The following CHD9 variants were observed in gnomAD, a reference collection of about 807,000 sequenced individuals.
CHD9 encodes the protein chromodomain helicase DNA binding protein 9, also known as ATP-dependent chromatin remodeler CHD9.
In CHD9, 77 loss-of-function variants were observed where a neutral mutation model predicts 316.1. That is an observed-to-expected ratio of 0.24 (90% CI 0.20 to 0.29). The LOEUF is 0.29. CHD9 is among the 10% of genes least tolerant of loss of function. The pLI is 1.00. For missense variants in CHD9, 2,763 were observed against 3,438.1 expected, an observed-to-expected ratio of 0.80 and a Z score of 4.91; for synonymous variants, 1,129 against 1,158.3, an observed-to-expected ratio of 0.97 and a Z score of 0.51.
intron 1 of CHD9, among the ~76,000 whole-genome samples, chr16:53,070,068 A>G (rs1036457649): frequency 6.6e-6 from 1 of 152,134 alleles, no homozygotes; most frequent in Non-Finnish European, 1.5e-5. Context: ...AAAAATATCT[A>G]TTCAAGGTAT....
At chr16:53,106,702 G>A (rs1371462283) in intron 1 of CHD9, among the ~76,000 whole-genome samples, 1 of 151,924 alleles carries the variant, frequency 6.6e-6, no homozygotes, top group East Asian at 1.9e-4. Flanking sequence ...ATATGGTGTG[G>A]TTATAGTGCA....
At chr16:53,283,418 G>A (rs915702250) in intron 24 of CHD9, among the ~76,000 whole-genome samples, 1 of 151,334 alleles carries the variant, frequency 6.6e-6, no homozygotes, top group Non-Finnish European at 1.5e-5. Context: ...TGTGCTTATG[G>A]CACTTACATT....
intron 2 of CHD9, among the ~76,000 whole-genome samples, chr16:53,190,466 A>T (rs2044390521): frequency 6.6e-6 from 1 of 152,104 alleles, no homozygotes; most frequent in Non-Finnish European, 1.5e-5. Context: ...TCAGAATTTT[A>T]CATGAATCTG....
chr16:53,145,434 A>G (rs2040492352), intron 1 of CHD9, among the ~76,000 whole-genome samples: 1 of 151,090 alleles, frequency 6.6e-6, no homozygotes, highest in Non-Finnish European at 1.5e-5. Flanking sequence ...TACAGGCATG[A>G]GCCACCATGC....
chr16:53,104,459 T>C (rs2037149150), intron 1 of CHD9, among the ~76,000 whole-genome samples: 1 of 152,228 alleles, frequency 6.6e-6, no homozygotes, highest in Admixed American at 6.5e-5. Flanking sequence ...GAGATTCTTA[T>C]TTTGTTAAAT....
Position 53,222,697 on chromosome 16 carries a change from A to G in CHD9, c.1838A>G (p.Asp613Gly), listed in dbSNP as rs775861175. The G allele has an allele frequency of 4.4e-5, 69 of 1,584,752 alleles. No homozygotes were observed. Among genetic ancestry groups the G allele is most frequent in the Non-Finnish European group, 5.5e-5 (64 of 1,161,596 alleles). Residue 613 changes from aspartate to glycine, a missense_variant, in exon 4 of 39, where the codon GAT becomes GGT. Around this residue, in one of 15 missense-constraint regions of CHD9, gnomAD observed 859 missense variants for 890.4 expected, o/e 0.96. Transcript: ENST00000447540. ...KKQKRKNESS[D>G]EISDAEQMPQ... is the part of the protein sequence containing the mutation. ...CAAAAAAGAAAGAATGAGTCTTCAG[A>G]TGAAATATCTGATGCAGAACAGATG... is the stretch of plus-strand genomic sequence containing the variant.
chr16:53,229,675 C>CAT (rs775398408), intron 8 of CHD9, among the ~76,000 whole-genome samples: 1 of 152,152 alleles, frequency 6.6e-6, no homozygotes, highest in Non-Finnish European at 1.5e-5. Flanking sequence ...TGAATTCTCA[C>CAT]ATTTATTTTA....
At chr16:53,133,420 T>C (rs752937618) in intron 1 of CHD9, among the ~76,000 whole-genome samples, 3 of 152,128 alleles carry the variant, frequency 2.0e-5, no homozygotes, top group Non-Finnish European at 4.4e-5. Context: ...GGGCAACTTA[T>C]TAAGACTGCA....
At position 53,267,330 on chromosome 16, in the gene CHD9, C is replaced by A; in HGVS notation, c.4357C>A (p.Gln1453Lys). 6.2e-7 allele frequency: 1 copy of A among 1,610,898 alleles called. No homozygotes were observed. Among genetic ancestry groups the A allele is most frequent in the Non-Finnish European group, 8.5e-7 (1 of 1,178,300 alleles). Reference protein sequence around the residue: ...LVIDTPRIRKQTRPFSATKDE... With the variant: ...LVIDTPRIRKKTRPFSATKDE... Reference sequence around the variant, plus strand: ...TATTGACACTCCAAGAATTAGGAAGCAAACAAGACCTTTTAGTGCCACAAA... The same window carrying A: ...TATTGACACTCCAAGAATTAGGAAGAAAACAAGACCTTTTAGTGCCACAAA... The change falls in exon 21 of 39, where the codon CAA becomes AAA. Residue 1453 changes from glutamine to lysine, a missense_variant. Around this residue, in one of 15 missense-constraint regions of CHD9, gnomAD observed 199 missense variants for 251.7 expected, o/e 0.79. Transcript: ENST00000447540.
chr16:53,173,562 T>A (rs2042913813), intron 2 of CHD9, among the ~76,000 whole-genome samples: 1 of 152,072 alleles, frequency 6.6e-6, no homozygotes, highest in Non-Finnish European at 1.5e-5. Context: ...TTTTTTTTTT[T>A]AAGACGGAGT....
chr16:53,319,879 G>T (rs1375872337), intron 37 of CHD9: 2 of 1,166,590 alleles, frequency 1.7e-6, no homozygotes, highest in Non-Finnish European at 2.2e-6. Context: ...CCCCCAAGAG[G>T]GCCTCCATTT....
At chr16:53,248,872 A>G (rs955271252) in intron 16 of CHD9, among the ~76,000 whole-genome samples, 3 of 152,164 alleles carry the variant, frequency 2.0e-5, no homozygotes, top group Non-Finnish European at 2.9e-5. Flanking sequence ...GTAAAGGTCT[A>G]TACTGATTTA....
intron 31 of CHD9, 70 bp downstream of exon 31, chr16:53,304,695 T>C: frequency 1.8e-6 from 1 of 549,572 alleles, no homozygotes; most frequent in East Asian, 7.7e-5. Context: ...TTTCTTTTCT[T>C]TTTTTTTTTT....
intron 27 of CHD9, among the ~76,000 whole-genome samples, chr16:53,291,336 T>C (rs945863355): frequency 3.3e-5 from 5 of 152,160 alleles, no homozygotes; most frequent in African/African-American, 1.2e-4. Context: ...GATTTGTAGG[T>C]TACCTAATAA....
rs746510251 is a variant in CHD9, at chr16:53,255,747, G to C, written c.4177G>C (p.Glu1393Gln). 1.2e-6 allele frequency: 2 copies of C among 1,613,820 alleles called. No homozygotes were observed. The highest frequency in any genetic ancestry group is 4.5e-5 in the East Asian group (2 of 44,848). ...ACGTCGTACAAAAACTATTACAATT[G>C]AATCAGAAGGACGTGGGTCAACATT... is the stretch of plus-strand genomic sequence containing the variant. ...LLRRTKTITI[E>Q]SEGRGSTFAK... Residue 1393 changes from glutamate (E) to glutamine (Q), a missense_variant, in exon 19 of 39, where the codon GAA becomes CAA. Around this residue, in one of 15 missense-constraint regions of CHD9, gnomAD observed 199 missense variants for 251.7 expected, o/e 0.79. Transcript: ENST00000447540.
chr16:53,162,849 A>C (rs1597228035), intron 2 of CHD9, among the ~76,000 whole-genome samples: 1 of 145,148 alleles, frequency 6.9e-6, no homozygotes, highest in Non-Finnish European at 1.5e-5. Flanking sequence ...GTGGGGCGTG[A>C]TCATGGCTCA....
intron 1 of CHD9, among the ~76,000 whole-genome samples, chr16:53,139,290 G>A (rs913397134): frequency 2.0e-5 from 3 of 151,856 alleles, no homozygotes; most frequent in African/African-American, 7.3e-5. Flanking sequence ...TAATAACAGA[G>A]GAATATATTT....
chr16:53,156,730 C>T lies in CHD9; in HGVS notation c.641C>T (p.Pro214Leu). The T allele has an allele frequency of 1.2e-6, 2 of 1,613,818 alleles. No homozygotes were observed. The highest frequency in any genetic ancestry group is 8.5e-7 in the Non-Finnish European group (1 of 1,179,730). ...CATAGAGTCAATGTTAACCACCCACCACAGATGACTAATGCATCTAATTCA... is the reference window on the plus strand; with the variant it reads ...CATAGAGTCAATGTTAACCACCCACTACAGATGACTAATGCATCTAATTCA... ...GPHRVNVNHPPQMTNASNSQQ... is the reference protein window; with the variant it reads ...GPHRVNVNHPLQMTNASNSQQ... Residue 214 changes from proline (P) to leucine (L), a missense_variant, in exon 2 of 39, where the codon CCA (proline) becomes CTA (leucine). Coordinates refer to ENST00000447540, the MANE Select transcript of CHD9 (RefSeq NM_001308319.2).
At position 53,227,150 on chromosome 16, in the gene CHD9, C is replaced by T. The variant is rs191450085; in HGVS notation, c.2044-246C>T. Reference sequence around the variant, plus strand: ...AGATTAAATTAATATATGTAAAATGCTTAGAATAATGACCAGCACATTAAA... The same window carrying T: ...AGATTAAATTAATATATGTAAAATGTTTAGAATAATGACCAGCACATTAAA... On this transcript the variant is annotated intron_variant, in intron 5 of 38. Coordinates refer to ENST00000447540, the MANE Select transcript of CHD9 (RefSeq NM_001308319.2). 118 of 305,134 alleles carry T rather than the reference C, an allele frequency of 3.9e-4. 1 individual carries two copies. The highest frequency in any genetic ancestry group is 2.4e-3 in the African/African-American group (108 of 44,416). 18.9% of individuals were successfully genotyped at this position (305,134 alleles called of 1,614,324 possible).
Sources: gnomAD v4.1 joint callset for allele counts (sites outside exome capture counted in the v4.1 genomes callset) on GRCh38, gnomAD v4.1.1 for gene constraint, gnomAD v4.1.1 regional missense constraint, MANE v1.5 for transcripts, NCBI Gene and HGNC (gene_info 2026-07-23, HGNC 2026-07-21) for gene names.